ILDR2: variants seen among roughly 807,000 people sequenced by gnomAD.
ILDR2 encodes the protein immunoglobulin like domain containing receptor 2, also known as immunoglobulin-like domain-containing receptor 2.
ILDR2 carries 25 observed loss-of-function variants against 66.8 expected under a neutral mutation model. The observed-to-expected ratio is 0.37, with a 90% CI of 0.27 to 0.52. The LOEUF is 0.52. Among genes scored for constraint, ILDR2 ranks in the 20% least tolerant of loss-of-function variants. ILDR2 has a pLI of 0.88. For missense variants in ILDR2, 827 were observed against 876.8 expected (o/e 0.94, Z 0.72); for synonymous variants, 367 against 357.2 (o/e 1.03, Z -0.31).
chr1:166,923,045 GA>G (rs1391425560), intron 7 of ILDR2, among the ~76,000 whole-genome samples: 2 of 152,194 alleles, frequency 1.3e-5, no homozygotes, highest in Non-Finnish European at 2.9e-5. Flanking sequence ...TCTGTTCTTG[GA>G]ATAGGAGAAC....
At chr1:166,896,566 C>A (rs1015634930) in intron 2 of ILDR2, among the ~76,000 whole-genome samples, 14 of 136,566 alleles carry the variant, frequency 1.0e-4, no homozygotes, top group East Asian at 4.2e-4. Flanking sequence ...ATATATATAT[C>A]TCATGTTGAA....
At chr1:166,943,417 G>C (rs996659250) in intron 3 of ILDR2, among the ~76,000 whole-genome samples, 2 of 150,030 alleles carry the variant, frequency 1.3e-5, no homozygotes, top group South Asian at 4.2e-4. Flanking sequence ...GCGTAAACCC[G>C]GGAGGCGGAG....
chr1:166,931,759 A>G (rs1660651402), intron 6 of ILDR2, among the ~76,000 whole-genome samples: 1 of 152,154 alleles, frequency 6.6e-6, no homozygotes, highest in South Asian at 2.1e-4. Flanking sequence ...GAAGTGGGGG[A>G]GAAGGAAGGG....
intron 2 of ILDR2, among the ~76,000 whole-genome samples, chr1:166,901,124 G>C (rs1482572732): frequency 6.6e-6 from 1 of 152,208 alleles, no homozygotes; most frequent in Non-Finnish European, 1.5e-5. Flanking sequence ...TGGTGGCCTG[G>C]AAGTATAGTC....
At chr1:166,931,048 T>C (rs1235785258) in intron 6 of ILDR2, among the ~76,000 whole-genome samples, 1 of 152,246 alleles carries the variant, frequency 6.6e-6, no homozygotes, top group African/African-American at 2.4e-5. Context: ...GTCATTTGGC[T>C]GCTGTGGCTC....
At chr1:166,942,753 G>A (rs965079256) in intron 3 of ILDR2, among the ~76,000 whole-genome samples, 2 of 152,212 alleles carry the variant, frequency 1.3e-5, no homozygotes, top group Non-Finnish European at 2.9e-5. Flanking sequence ...AGTCACCTAT[G>A]TTCAAATTAA....
chr1:166,954,595 A>G (rs1289959955), intron 3 of ILDR2, among the ~76,000 whole-genome samples: 1 of 152,190 alleles, frequency 6.6e-6, no homozygotes, highest in Non-Finnish European at 1.5e-5. Flanking sequence ...TGTTTCATAG[A>G]CAGGCTGCTT....
intron 3 of ILDR2, among the ~76,000 whole-genome samples, chr1:166,949,449 C>A (rs1221386658): frequency 6.6e-6 from 1 of 152,182 alleles, no homozygotes; most frequent in Non-Finnish European, 1.5e-5. Context: ...ATTTTGTATC[C>A]TCACTGTGCT....
rs996052670 is a variant in ILDR2, at chr1:166,975,505, G to T, written c.-237C>A. The T allele has an allele frequency of 6.8e-6, 1 of 146,490 alleles. No individual in the cohort carries two copies. The allele number at this position is 146,490 out of a possible 1,614,324, so 9.1% of individuals were successfully genotyped here. ...CCGCGCAGCGCTCGGCGGCGCATCC[G>T]CATGCCCAGGCAGCGCGGCACGGGG... On this transcript the variant is annotated 5_prime_UTR_variant, in exon 1 of 10. Transcript: ENST00000271417.
rs1358044226 is a variant in ILDR2, at chr1:166,915,129, TTC to T, written c.*4224_*4225del. The T allele has an allele frequency of 6.6e-6, 1 of 152,218 alleles. No homozygotes were observed. The highest frequency in any genetic ancestry group is 1.5e-5 in the Non-Finnish European group (1 of 68,048). The allele number at this position is 152,218 out of a possible 1,614,324, so 9.4% of individuals were successfully genotyped here. A position where few individuals can be genotyped will look rare whatever the true frequency, so the allele number is the denominator to read the frequency against. On this transcript the variant is annotated 3_prime_UTR_variant, in exon 10 of 10. Coordinates refer to ENST00000271417, the MANE Select transcript of ILDR2 (RefSeq NM_199351.3). ...CTGAGACTGTCACAATAGATCACTG[TTC>T]TGGGAATGGAAATATCTACAACAGC... is the stretch of plus-strand genomic sequence containing the variant.
Position 166,936,888 on chromosome 1 carries a change from A to G in ILDR2, c.557-151T>C. ...ACAGGAGACAGAGCCCCAACACTCAAGAGGAACTCTGAGAGTCAGGAGTGC... is the reference window on the plus strand; with the variant it reads ...ACAGGAGACAGAGCCCCAACACTCAGGAGGAACTCTGAGAGTCAGGAGTGC... On this transcript the variant is annotated intron_variant, in intron 4 of 9. Transcript: ENST00000271417. This position sits in a 1 kb window ranked among gnomAD's most constrained non-coding sequence, Gnocchi z 5.0. The G allele has an allele frequency of 1.4e-6, 1 of 722,618 alleles. No homozygotes were observed. The highest frequency in any genetic ancestry group is 2.6e-5 in the Admixed American group (1 of 38,376). 44.8% of individuals were successfully genotyped at this position (722,618 alleles called of 1,614,324 possible). A position where few individuals can be genotyped will look rare whatever the true frequency, so the allele number is the denominator to read the frequency against.
intron 2 of ILDR2, 66 bp from the exon 3 acceptor site, chr1:166,956,918 T>C: frequency 1.3e-6 from 2 of 1,560,670 alleles, no homozygotes; most frequent in Non-Finnish European, 1.7e-6. Flanking sequence ...CACTAAACAA[T>C]GGGGGTTGGG....
chr1:166,947,629 C>T (rs1661706839), intron 3 of ILDR2, among the ~76,000 whole-genome samples: 1 of 152,142 alleles, frequency 6.6e-6, no homozygotes, highest in Non-Finnish European at 1.5e-5. Context: ...GCCAATTTCT[C>T]GGTGCCACCC....
At position 166,913,264 on chromosome 1, in the gene ILDR2, G is replaced by C. The variant is rs1331378245; in HGVS notation, c.*6091C>G. ...ACAACCAAATTCAATTTGTATGTCT[G>C]ACACAGAAAAAAAAAGTCATGGACA... On this transcript the variant is annotated 3_prime_UTR_variant, in exon 10 of 10. Coordinates refer to ENST00000271417, the MANE Select transcript of ILDR2 (RefSeq NM_199351.3). The C allele has an allele frequency of 6.6e-6, 1 of 151,786 alleles. No homozygotes were observed. The highest frequency in any genetic ancestry group is 1.5e-5 in the Non-Finnish European group (1 of 67,934). 9.4% of individuals were successfully genotyped at this position (151,786 alleles called of 1,614,324 possible). A position where few individuals can be genotyped will look rare whatever the true frequency, so the allele number is the denominator to read the frequency against.
chr1:166,942,919 GTA>G (rs1661392380), intron 3 of ILDR2, among the ~76,000 whole-genome samples: 1 of 152,180 alleles, frequency 6.6e-6, no homozygotes, highest in South Asian at 2.1e-4. Context: ...AGGAAAGGGT[GTA>G]TCAGACATAT....
intron 6 of ILDR2, chr1:166,933,499 G>C (rs1258235593): frequency 3.1e-6 from 3 of 958,064 alleles, no homozygotes; most frequent in Admixed American, 6.2e-5. Context: ...ACCTTACCTT[G>C]ACATTTCTAT....
At chr1:166,935,616 CTG>C (rs911509060) in intron 5 of ILDR2, 139 bp from the exon 6 acceptor site, 1 of 724,606 alleles carries the variant, frequency 1.4e-6, no homozygotes, top group African/African-American at 1.8e-5. Flanking sequence ...TCTTCTAAAA[CTG>C]AACTGATTCA....
At position 166,917,217 on chromosome 1, in the gene ILDR2, A is replaced by C. The variant is rs1474903309; in HGVS notation, c.*2138T>G. ...AGCACTGGGTTCAACTGTTCTCCTG[A>C]TTTCTCTGGGACTGGCCAAAGCAAC... On this transcript the variant is annotated 3_prime_UTR_variant, in exon 10 of 10. Coordinates refer to ENST00000271417, the MANE Select transcript of ILDR2 (RefSeq NM_199351.3). 6.6e-6 allele frequency: 1 copy of C among 152,066 alleles called. No homozygotes were observed. Among genetic ancestry groups the C allele is most frequent in the African/African-American group, 2.4e-5 (1 of 41,370 alleles). The allele number at this position is 152,066 out of a possible 1,614,324, so 9.4% of individuals were successfully genotyped here. A position where few individuals can be genotyped will look rare whatever the true frequency, so the allele number is the denominator to read the frequency against.
chr1:166,905,991 G>C (rs1379565410), downstream of ILDR2, among the ~76,000 whole-genome samples: 1 of 152,178 alleles, frequency 6.6e-6, no homozygotes, highest in African/African-American at 2.4e-5. Flanking sequence ...TCCAACCTCT[G>C]TTCTAGGGTA....
Sources: allele counts gnomAD v4.1 joint callset (sites outside exome capture counted in the v4.1 genomes callset), GRCh38; gene constraint gnomAD v4.1.1; non-coding constraint Gnocchi (gnomAD v3.1); transcripts MANE v1.5; gene names NCBI Gene and HGNC (gene_info 2026-07-23, HGNC 2026-07-21).